Variants in TMEM120B observed in about 807,000 individuals in gnomAD.
TMEM120B encodes the protein transmembrane protein 120B.
Under a neutral mutation model 55.5 loss-of-function variants are expected in TMEM120B, and 31 were observed. The ratio of observed to expected loss-of-function variants is 0.56; its 90% CI spans 0.42 to 0.75. The LOEUF is 0.75. Ranked by LOEUF, TMEM120B falls within the 30% of genes least tolerant of loss-of-function variation. The pLI, the probability that TMEM120B is intolerant of heterozygous loss-of-function variation, is 0.00. For missense variants in TMEM120B, 399 were observed against 425.5 expected, an observed-to-expected ratio of 0.94 and a Z score of 0.55; for synonymous variants, 203 against 176.3, an observed-to-expected ratio of 1.15 and a Z score of -1.20.
chr12:121,749,258 A>T (rs1209782898), intron 3 of TMEM120B, among the ~76,000 whole-genome samples: 2 of 152,228 alleles, frequency 1.3e-5, no homozygotes, highest in Non-Finnish European at 2.9e-5. Flanking sequence ...CATTTTCTGC[A>T]GAATGAGCAG....
At chr12:121,756,995 G>A (rs1873492573) in intron 5 of TMEM120B, among the ~76,000 whole-genome samples, 1 of 152,126 alleles carries the variant, frequency 6.6e-6, no homozygotes, top group African/African-American at 2.4e-5. Flanking sequence ...AGAGTAGCAG[G>A]GCAGTGTACG....
chr12:121,727,142 A>G (rs1289419377), intron 1 of TMEM120B, among the ~76,000 whole-genome samples: 2 of 152,056 alleles, frequency 1.3e-5, no homozygotes, highest in Admixed American at 1.3e-4. Flanking sequence ...AAAACACCCA[A>G]TGTGGGTGTT....
chr12:121,777,946 G>A lies in TMEM120B; in HGVS notation c.*2224G>A, dbSNP rs535627273. ...GGGTGGGTTGGGGAGGGTCTCAGAA[G>A]GCTCCTTCCTTTGGCAACCTGACTT... On this transcript the variant is annotated 3_prime_UTR_variant, in exon 12 of 12. Transcript: ENST00000449592. 19 of 152,304 alleles carry A rather than the reference G, an allele frequency of 1.2e-4. No individual in the cohort carries two copies. The highest frequency in any genetic ancestry group is 4.6e-4 in the African/African-American group (19 of 41,544). 9.4% of individuals were successfully genotyped at this position (152,304 alleles called of 1,614,324 possible). A position where few individuals can be genotyped will look rare whatever the true frequency, so the allele number is the denominator to read the frequency against.
At chr12:121,728,075 T>G (rs943293520) in intron 1 of TMEM120B, among the ~76,000 whole-genome samples, 7 of 151,240 alleles carry the variant, frequency 4.6e-5, no homozygotes, top group African/African-American at 1.7e-4. Flanking sequence ...TGGTGTGATC[T>G]CGGTTCACTG....
At chr12:121,744,268 G>A (rs975107744) in intron 2 of TMEM120B, among the ~76,000 whole-genome samples, 3 of 152,164 alleles carry the variant, frequency 2.0e-5, no homozygotes, top group Non-Finnish European at 2.9e-5. Context: ...TCTGGGTTCA[G>A]TCCTCATTGG....
intron 1 of TMEM120B, among the ~76,000 whole-genome samples, chr12:121,721,703 C>T (rs1342980771): frequency 2.0e-5 from 3 of 150,618 alleles, no homozygotes; most frequent in Non-Finnish European, 4.4e-5. Flanking sequence ...CTCCTAACCT[C>T]GTGATCCGCC....
intron 1 of TMEM120B, among the ~76,000 whole-genome samples, chr12:121,741,757 C>T (rs888933418): frequency 1.3e-4 from 19 of 151,500 alleles, no homozygotes; most frequent in Admixed American, 2.6e-4. Context: ...CTTAGCCTCC[C>T]GAGTAGCTGG....
chr12:121,774,913 G>A (rs1036427931), intron 10 of TMEM120B, 149 bp from the exon 11 acceptor site: 42 of 1,095,044 alleles, frequency 3.8e-5, no homozygotes, highest in Admixed American at 1.8e-4. Flanking sequence ...CCCTGGCCTC[G>A]GGTGCCTGCA....
Position 121,751,451 on chromosome 12 carries a change from G to A in TMEM120B, c.366-677G>A, listed in dbSNP as rs929784542. 3.6e-5 allele frequency among the ~76,000 whole-genome samples: 5 copies of A among 138,950 alleles called. No homozygotes were observed. In the South Asian group the frequency reaches 1.2e-3, roughly 34 times the overall value. The allele number at this position is 138,950 out of a possible 152,430, so 91.2% of individuals were successfully genotyped here. ...CACCCCAACCCACACCCCGTCTCAC[G>A]CTTTTCACCTGGCTCAGAGGCCTCC... On this transcript the variant is annotated intron_variant, in intron 4 of 11. Transcript: ENST00000449592.
chr12:121,748,563 G>A, intron 3 of TMEM120B, 121 bp downstream of exon 3: 1 of 672,878 alleles, frequency 1.5e-6, no homozygotes, highest in Non-Finnish European at 2.5e-6. Context: ...GGGAAACAAG[G>A]GCAGGAGAGA....
At chr12:121,760,269 C>T (rs3970421) in intron 5 of TMEM120B, among the ~76,000 whole-genome samples, 9,563 of 151,844 alleles carry the variant, frequency 0.063, 445 homozygotes, top group African/African-American at 0.12. Flanking sequence ...CGCCACTGCA[C>T]TCCAGCCTGA....
intron 1 of TMEM120B, among the ~76,000 whole-genome samples, chr12:121,729,495 G>T (rs1019924319): frequency 3.3e-5 from 5 of 152,140 alleles, no homozygotes; most frequent in African/African-American, 1.2e-4. Flanking sequence ...TTCCACTTCT[G>T]GGGTATATAC....
At chr12:121,759,202 C>T (rs890922139) in intron 5 of TMEM120B, among the ~76,000 whole-genome samples, 4 of 150,908 alleles carry the variant, frequency 2.7e-5, no homozygotes, top group African/African-American at 7.3e-5. Context: ...CGTGAGCCAC[C>T]GCACCCAGCC....
At chr12:121,773,982 G>A (rs1170756951) in intron 9 of TMEM120B, among the ~76,000 whole-genome samples, 1 of 137,216 alleles carries the variant, frequency 7.3e-6, no homozygotes. Context: ...TTTTGAGACG[G>A]AGTCTCACTC....
At chr12:121,713,754 T>C (rs1894644492) in intron 1 of TMEM120B, among the ~76,000 whole-genome samples, 1 of 152,160 alleles carries the variant, frequency 6.6e-6, no homozygotes, top group South Asian at 2.1e-4. Flanking sequence ...ACCTACCGTG[T>C]TGACTAGAGA....
At position 121,781,986 on chromosome 12, in the gene TMEM120B, T is replaced by G. The variant is rs1319257432; in HGVS notation, c.*6264T>G. ...GAGCTTGGTTGGGTTTGCTTTTTTC[T>G]TCTTCTTCTTTATAAACAATTCTTT... On this transcript the variant is annotated 3_prime_UTR_variant, in exon 12 of 12. Coordinates refer to ENST00000449592, the MANE Select transcript of TMEM120B (RefSeq NM_001080825.2). 6.6e-6 allele frequency: 1 copy of G among 152,214 alleles called. No homozygotes were observed. The highest frequency in any genetic ancestry group is 1.5e-5 in the Non-Finnish European group (1 of 68,038). The allele number at this position is 152,214 out of a possible 1,614,324, so 9.4% of individuals were successfully genotyped here.
rs747572526 is a variant in TMEM120B, at chr12:121,770,955, C to T, written c.600C>T (p.Ser200=). 48 of 1,613,910 alleles carry T rather than the reference C, an allele frequency of 3.0e-5. No individual in the cohort carries two copies. Among genetic ancestry groups the T allele is most frequent in the Middle Eastern group, 1.6e-4 (1 of 6,082 alleles). Residue 200 remains serine (S), a synonymous_variant, in exon 7 of 12, where the codon TCC becomes TCT. Coordinates refer to ENST00000449592, the MANE Select transcript of TMEM120B (RefSeq NM_001080825.2). ...VSHHYVSTFL[S]GVMLTWPNGP... ...ACCACTACGTCTCCACATTCCTGTC[C>T]GGAGTGATGCTGACCTGGTGAGTAG... is the stretch of plus-strand genomic sequence containing the variant.
At chr12:121,761,514 G>T in intron 5 of TMEM120B, 135 bp from the exon 6 acceptor site, 1 of 628,022 alleles carries the variant, frequency 1.6e-6, no homozygotes, top group South Asian at 1.9e-5. Context: ...CCTCCCTGGT[G>T]TCATAAGGGC....
At chr12:121,734,663 C>G (rs2137069939) in intron 1 of TMEM120B, among the ~76,000 whole-genome samples, 1 of 152,058 alleles carries the variant, frequency 6.6e-6, no homozygotes, top group Middle Eastern at 3.4e-3. Context: ...CCTGTAATCC[C>G]AGCACTTTGC....
Sources: allele counts gnomAD v4.1 joint callset (sites outside exome capture counted in the v4.1 genomes callset), GRCh38; gene constraint gnomAD v4.1.1; transcripts MANE v1.5; gene names NCBI Gene and HGNC (gene_info 2026-07-23, HGNC 2026-07-21).